The following CCDC88B variants were observed in gnomAD, a reference collection of about 807,000 sequenced individuals.
The protein encoded by CCDC88B is coiled-coil and HOOK domain protein 88B.
In CCDC88B, 138 loss-of-function variants were observed where a neutral mutation model predicts 183.7. The observed-to-expected ratio is 0.75, with a 90% CI of 0.65 to 0.87. CCDC88B has a LOEUF of 0.87. Ranked by LOEUF, CCDC88B falls within the 40% of genes least tolerant of loss-of-function variation. The probability of loss-of-function intolerance (pLI) is 0.00; values close to 1 mark genes in which losing one functional copy is unlikely to be tolerated. For synonymous variants in CCDC88B, 835 were observed against 867.5 expected (o/e 0.96, Z 0.66); for missense variants, 1,822 against 1,965.6 (o/e 0.93, Z 1.38).
At position 64,341,302 on chromosome 11, in the gene CCDC88B, C is replaced by A. The variant is rs1187749794; in HGVS notation, c.421C>A (p.Arg141=). ...EAVEQLEGVL[R]LLLGASVQCE... Reference sequence around the variant, plus strand: ...GGTGGAGCAGCTGGAAGGCGTTCTTCGGCTACTGTTGGGAGCGTCAGTACA... The same window carrying A: ...GGTGGAGCAGCTGGAAGGCGTTCTTAGGCTACTGTTGGGAGCGTCAGTACA... Residue 141 remains arginine (R), a synonymous_variant, in exon 5 of 27, where the codon CGG becomes AGG. Transcript: ENST00000356786. 3.1e-6 allele frequency: 5 copies of A among 1,613,962 alleles called. No homozygotes were observed. The African/African-American group carries it at 6.7e-5, about 22-fold the overall frequency.
rs775274651 is a variant in CCDC88B at position 64,352,332 on chromosome 11, A to T, written c.3302A>T (p.Asp1101Val). The T allele has an allele frequency of 1.9e-6, 3 of 1,547,856 alleles. No individual in the cohort carries two copies. The South Asian group carries it at 3.6e-5, about 18-fold the overall frequency. ...ELEGLLVRHR[D>V]LKANMRALEL... ...GAGGGACTGCTGGTGCGGCACCGAG[A>T]CCTCAAGGCCAACATGCGGGCACTG... The change falls in exon 19 of 27, where the codon GAC (aspartate) becomes GTC (valine). Residue 1101 changes from aspartate to valine, a missense_variant. Coordinates refer to ENST00000356786, the MANE Select transcript of CCDC88B (RefSeq NM_032251.6).
rs1342734687 is a variant in CCDC88B at position 64,342,282 on chromosome 11, C to G, written c.822-12C>G. 1 of 1,579,606 alleles carries G rather than the reference C, an allele frequency of 6.3e-7. No individual in the cohort carries two copies. The highest frequency in any genetic ancestry group is 2.3e-5 in the East Asian group (1 of 43,356). On this transcript the variant is annotated splice_polypyrimidine_tract_variant and intron_variant, in intron 8 of 26. Coordinates refer to ENST00000356786, the MANE Select transcript of CCDC88B (RefSeq NM_032251.6). The stretch of plus-strand genomic sequence containing the variant: ...GGCCCCCAGACCCTCCCTAGACTCC[C>G]CTTCCCTCCAGGGAGGAGAAGGCCG...
In CCDC88B at chr11:64,341,644, G is replaced by C. The variant is rs143094813; in HGVS notation, c.577G>C (p.Asp193His). 6.2e-7 allele frequency: 1 copy of C among 1,607,150 alleles called. No homozygotes were observed. Among genetic ancestry groups the C allele is most frequent in the Non-Finnish European group, 8.5e-7 (1 of 1,176,998 alleles). Residue 193 changes from aspartate to histidine, a missense_variant, in exon 7 of 27, where the codon GAT becomes CAT. By Grantham distance (81) the Asp-to-His change is moderately conservative (BLOSUM62 -1). Transcript: ENST00000356786. ...AGVVLALSGP[D>H]PGELAPAELE... The stretch of plus-strand genomic sequence containing the variant: ...CGTGGTGCTGGCACTGTCTGGGCCA[G>C]ATCCTGGGGAGCTGGCACCTGCCGA...
chr11:64,349,549 A>G lies in CCDC88B; in HGVS notation c.2745-2A>G. 1 of 1,597,844 alleles carries G rather than the reference A, an allele frequency of 6.3e-7. No individual in the cohort carries two copies. Reference sequence around the variant, plus strand: ...GCTGGGTGCTAAGGATTCTCCTGGCAGGTACCAGGGCTTGGAGCAGCGGCT... The same window carrying G: ...GCTGGGTGCTAAGGATTCTCCTGGCGGGTACCAGGGCTTGGAGCAGCGGCT... On this transcript the variant is annotated splice_acceptor_variant, in intron 15 of 26. Coordinates refer to ENST00000356786, the MANE Select transcript of CCDC88B (RefSeq NM_032251.6). LOFTEE classifies it high-confidence loss of function.
intron 7 of CCDC88B, 90 bp downstream of exon 7, chr11:64,341,832 C>T: frequency 1.4e-6 from 2 of 1,471,992 alleles, no homozygotes; most frequent in Non-Finnish European, 1.8e-6. Flanking sequence ...AAGTTTGGGG[C>T]CCAGGCATGG....
rs1288219890 is a variant in CCDC88B, at chr11:64,349,386, T to G, written c.2672T>G (p.Leu891Trp). 1 of 1,613,202 alleles carries G rather than the reference T, an allele frequency of 6.2e-7. No homozygotes were observed. The highest frequency in any genetic ancestry group is 1.7e-5 in the Admixed American group (1 of 59,976). ...GAGTTGGGGGACCGGCTGGAGCATT[T>G]GCAGCGTGAGCTGGAGCAGGCGGCT... ...GKELGDRLEH[L>W]QRELEQAALE... The change falls in exon 15 of 27, where the codon TTG (leucine) becomes TGG (tryptophan). Residue 891 changes from leucine (L) to tryptophan (W), a missense_variant. Physicochemically the swap from Leu to Trp is moderately conservative, Grantham distance 61. Coordinates refer to ENST00000356786, the MANE Select transcript of CCDC88B (RefSeq NM_032251.6).
chr11:64,344,305 C>T lies in CCDC88B; in HGVS notation c.1764C>T (p.Ser588=), dbSNP rs374206658. ...ESGSPVETQE[S]PEKAGRRSSL... ...GCTCTCCTGTGGAGACACAGGAGTCCCCGGAGAAGGCTGGCCGTAGATCCT... is the reference window on the plus strand; with the variant it reads ...GCTCTCCTGTGGAGACACAGGAGTCTCCGGAGAAGGCTGGCCGTAGATCCT... The change falls in exon 14 of 27, where the codon TCC becomes TCT. Residue 588 remains serine (S), a synonymous_variant. Coordinates refer to ENST00000356786, the MANE Select transcript of CCDC88B (RefSeq NM_032251.6). This position sits in a 1 kb window ranked among gnomAD's most constrained non-coding sequence, Gnocchi z 4.5. 13 of 1,613,534 alleles carry T rather than the reference C, an allele frequency of 8.1e-6. No homozygotes were observed. In the African/African-American group the frequency reaches 1.3e-4, roughly 17 times the overall value.
Position 64,341,633 on chromosome 11 carries a change from T to G in CCDC88B, c.566T>G (p.Leu189Arg), listed in dbSNP as rs1472592881. 2 of 1,604,708 alleles carry G rather than the reference T, an allele frequency of 1.2e-6. No homozygotes were observed. Among genetic ancestry groups the G allele is most frequent in the Admixed American group, 1.7e-5 (1 of 58,938 alleles). The change falls in exon 7 of 27, where the codon CTG (leucine) becomes CGG (arginine). Residue 189 changes from leucine (L) to arginine (R), a missense_variant. Physicochemically the swap from Leu to Arg is moderately radical, Grantham distance 102. Transcript: ENST00000356786. ...CCGGGGGCCGGCGTGGTGCTGGCAC[T>G]GTCTGGGCCAGATCCTGGGGAGCTG... ...TQPGAGVVLA[L>R]SGPDPGELAP...
Position 64,340,752 on chromosome 11 carries a change from T to C in CCDC88B, c.206T>C (p.Ile69Thr), listed in dbSNP as rs754511668. The change falls in exon 2 of 27, where the codon ATT becomes ACT. Residue 69 changes from isoleucine (I) to threonine (T), a missense_variant and splice_region_variant. Physicochemically the swap from Ile to Thr is moderately conservative, Grantham distance 89. Coordinates refer to ENST00000356786, the MANE Select transcript of CCDC88B (RefSeq NM_032251.6). ...GALLLRVLGI[I>T]APSSRGGPRM... Reference sequence around the variant, plus strand: ...CTGCTCCTCCGGGTGCTGGGCATCATGTAAGGGGCATCGGGCCGGGGCGGT... The same window carrying C: ...CTGCTCCTCCGGGTGCTGGGCATCACGTAAGGGGCATCGGGCCGGGGCGGT... The C allele has an allele frequency of 3.1e-6, 5 of 1,607,008 alleles. No individual in the cohort carries two copies. The highest frequency in any genetic ancestry group is 3.4e-5 in the Admixed American group (2 of 59,358).
chr11:64,344,173 A>T lies in CCDC88B; in HGVS notation c.1632A>T (p.Ser544=). The T allele has an allele frequency of 6.2e-7, 1 of 1,612,722 alleles. No homozygotes were observed. Among genetic ancestry groups the T allele is most frequent in the Non-Finnish European group, 8.5e-7 (1 of 1,179,582 alleles). ...PPALDSVLEA[S]AECPQAPDSD... ...CATTAGACTCAGTGCTCGAGGCATCAGCTGAGTGTCCCCAGGCACCTGATT... is the reference window on the plus strand; with the variant it reads ...CATTAGACTCAGTGCTCGAGGCATCTGCTGAGTGTCCCCAGGCACCTGATT... Residue 544 remains serine, a synonymous_variant, in exon 14 of 27, where the codon TCA becomes TCT. Coordinates refer to ENST00000356786, the MANE Select transcript of CCDC88B (RefSeq NM_032251.6). This position sits in a 1 kb window ranked among gnomAD's most constrained non-coding sequence, Gnocchi z 4.5.
At chr11:64,341,840 TG>T in intron 7 of CCDC88B, 98 bp downstream of exon 7, 2 of 1,337,670 alleles carry the variant, frequency 1.5e-6, no homozygotes, top group Non-Finnish European at 9.7e-7. Context: ...GGCCCAGGCA[TG>T]GGGTTGTGGT....
In CCDC88B at chr11:64,352,150, G is replaced by C. The variant is rs757398211; in HGVS notation, c.3120G>C (p.Glu1040Asp). ...SRLQAEKSVL[E>D]IQGQELHRKL... ...CCTAGGCCGAGAAGTCTGTGCTGGA[G>C]ATTCAGGGCCAGGAGCTGCACCGGA... The change falls in exon 19 of 27, where the codon GAG becomes GAC. Residue 1040 changes from glutamate to aspartate, a missense_variant. Glu to Asp is a conservative substitution (Grantham distance 45). Coordinates refer to ENST00000356786, the MANE Select transcript of CCDC88B (RefSeq NM_032251.6). 3 of 1,587,980 alleles carry C rather than the reference G, an allele frequency of 1.9e-6. No homozygotes were observed. The highest frequency in any genetic ancestry group is 2.3e-5 in the South Asian group (2 of 88,394).
In CCDC88B at chr11:64,357,100, T is replaced by C. The variant is rs200559579; in HGVS notation, c.*6T>C. 6 of 1,613,292 alleles carry C rather than the reference T, an allele frequency of 3.7e-6. No individual in the cohort carries two copies. Among genetic ancestry groups the C allele is most frequent in the Non-Finnish European group, 5.1e-6 (6 of 1,179,668 alleles). On this transcript the variant is annotated 3_prime_UTR_variant, in exon 27 of 27. Coordinates refer to ENST00000356786, the MANE Select transcript of CCDC88B (RefSeq NM_032251.6). ...CCCCATCCCTCAGCCAGTGACACCG[T>C]GGGAACAGCAGGCTTGGGAGTGCAG...
chr11:64,348,161 G>A (rs1481301804), intron 14 of CCDC88B, among the ~76,000 whole-genome samples: 5 of 152,206 alleles, frequency 3.3e-5, no homozygotes, highest in Middle Eastern at 6.8e-3. Context: ...CTGTTCCATG[G>A]GAGGGAATGG....
At chr11:64,342,984 C>T (rs1028477052) in intron 10 of CCDC88B, among the ~76,000 whole-genome samples, 195 bp from the exon 11 acceptor site, 5 of 132,536 alleles carry the variant, frequency 3.8e-5, no homozygotes, top group Non-Finnish European at 6.3e-5. Context: ...GGGCCAGGGG[C>T]GAGGGAGAAA....
rs1423937191 is a variant in CCDC88B at position 64,341,508 on chromosome 11, C to T, written c.531+4C>T. 6.2e-7 allele frequency: 1 copy of T among 1,613,558 alleles called. No homozygotes were observed. The highest frequency in any genetic ancestry group is 8.5e-7 in the Non-Finnish European group (1 of 1,180,010). On this transcript the variant is annotated splice_donor_region_variant and intron_variant, in intron 6 of 26. Transcript: ENST00000356786. ...GCTGGCCGCTGCCATCCAGGAGGTA[C>T]TGAGACGGTTCGGCAGCCCAGACTG...
In CCDC88B at chr11:64,341,759, C is replaced by T; in HGVS notation, c.675+17C>T. The T allele has an allele frequency of 6.5e-7, 1 of 1,547,268 alleles. No individual in the cohort carries two copies. The highest frequency in any genetic ancestry group is 8.7e-7 in the Non-Finnish European group (1 of 1,151,750). ...GGGGCCCAGGTAGGGGCAGCAGGGGCATCGTGGACTCAGGTTGGGGAACTG... is the reference window on the plus strand; with the variant it reads ...GGGGCCCAGGTAGGGGCAGCAGGGGTATCGTGGACTCAGGTTGGGGAACTG... On this transcript the variant is annotated intron_variant, in intron 7 of 26. Transcript: ENST00000356786.
rs759312375 is a variant in CCDC88B, at chr11:64,343,307, G to C, written c.1191G>C (p.Arg397=). 27 of 1,550,274 alleles carry C rather than the reference G, an allele frequency of 1.7e-5. No individual in the cohort carries two copies. In the South Asian group the frequency reaches 2.9e-4, roughly 16 times the overall value. Reference sequence around the variant, plus strand: ...GCGAGAACCTGCTGCTGCGAACCCGGCTGGGCGAGGCCCATGCGGTAAGGT... The same window carrying C: ...GCGAGAACCTGCTGCTGCGAACCCGCCTGGGCGAGGCCCATGCGGTAAGGT... The part of the protein sequence containing the change: ...TQRENLLLRT[R]LGEAHAELDS... Residue 397 remains arginine, a synonymous_variant, in exon 11 of 27, where the codon CGG becomes CGC. Transcript: ENST00000356786.
rs956622760 is a variant in CCDC88B at position 64,344,838 on chromosome 11, C to A, written c.2297C>A (p.Ser766Tyr). Residue 766 changes from serine to tyrosine, a missense_variant, in exon 14 of 27, where the codon TCC becomes TAC. By Grantham distance (144) the Ser-to-Tyr change is moderately radical. Transcript: ENST00000356786. This position sits in a 1 kb window ranked among gnomAD's most constrained non-coding sequence, Gnocchi z 4.5. ...EAQNTEAARL[S>Y]KELAQARRAE... Reference sequence around the variant, plus strand: ...CAAAACACGGAGGCTGCCCGCCTCTCCAAGGAGCTGGCCCAAGCGCGAAGG... The same window carrying A: ...CAAAACACGGAGGCTGCCCGCCTCTACAAGGAGCTGGCCCAAGCGCGAAGG... 6.2e-7 allele frequency: 1 copy of A among 1,612,158 alleles called. No homozygotes were observed. The highest frequency in any genetic ancestry group is 1.1e-5 in the South Asian group (1 of 90,946).
Sources: allele counts gnomAD v4.1 joint callset (sites outside exome capture counted in the v4.1 genomes callset), GRCh38; gene constraint gnomAD v4.1.1; non-coding constraint Gnocchi (gnomAD v3.1); transcripts MANE v1.5; gene names NCBI Gene and HGNC (gene_info 2026-07-23, HGNC 2026-07-21).